The following C18orf63 variants were observed in gnomAD, a reference collection of about 807,000 sequenced individuals.
The protein encoded by C18orf63 is chromosome 18 open reading frame 63, also known as uncharacterized protein C18orf63.
C18orf63 carries 50 observed loss-of-function variants against 75.3 expected under a neutral mutation model. That is an observed-to-expected ratio of 0.66 (90% CI 0.53 to 0.84). C18orf63 has a LOEUF of 0.84. C18orf63 is among the 40% of genes least tolerant of loss of function. The probability of loss-of-function intolerance (pLI) is 0.00; values close to 1 mark genes in which losing one functional copy is unlikely to be tolerated. For missense variants in C18orf63, 732 were observed against 800.2 expected, an observed-to-expected ratio of 0.91 and a Z score of 1.03; for synonymous variants, 232 against 267.6, an observed-to-expected ratio of 0.87 and a Z score of 1.30.
In C18orf63 at chr18:74,326,293, A is replaced by G. The variant is rs148900544; in HGVS notation, c.271-1654A>G. Among the ~76,000 whole-genome samples, 980 of 152,290 alleles carry G rather than the reference A, an allele frequency of 6.4e-3. 27 individuals carry two copies. The highest frequency in any genetic ancestry group is 0.052 in the Admixed American group (793 of 15,304). On this transcript the variant is annotated intron_variant, in intron 4 of 13. Coordinates refer to ENST00000579455, the MANE Select transcript of C18orf63 (RefSeq NM_001174123.2). ...TAGAGATGGATAATATTGGGAGACAATTTTCCTCGGCTTTCTCATGCTTCT... is the reference window on the plus strand; with the variant it reads ...TAGAGATGGATAATATTGGGAGACAGTTTTCCTCGGCTTTCTCATGCTTCT...
In C18orf63 at chr18:74,353,518, T is replaced by C; in HGVS notation, c.1251T>C (p.Asn417=). 2 of 1,536,600 alleles carry C rather than the reference T, an allele frequency of 1.3e-6. No individual in the cohort carries two copies. The highest frequency in any genetic ancestry group is 1.2e-5 in the South Asian group (1 of 84,062). The change falls in exon 12 of 14, where the codon AAT becomes AAC. Residue 417 remains asparagine, a synonymous_variant. Coordinates refer to ENST00000579455, the MANE Select transcript of C18orf63 (RefSeq NM_001174123.2). ...AAGTATTAATGCCCAACAGAGGAAA[T>C]ACTCAAGTTCAGCACACAAATCTTA... ...HSEVLMPNRG[N]TQVQHTNLSS...
intron 11 of C18orf63, among the ~76,000 whole-genome samples, chr18:74,346,242 G>C (rs1984573209): frequency 6.6e-6 from 1 of 151,770 alleles, no homozygotes; most frequent in Admixed American, 6.6e-5. Flanking sequence ...TATGTTTCTG[G>C]CTTAAATACA....
chr18:74,355,508 G>C lies in C18orf63; in HGVS notation c.*33+962G>C, dbSNP rs73468670. Among the ~76,000 whole-genome samples the C allele has an allele frequency of 5.6e-3, 848 of 152,206 alleles. 6 individuals are homozygous for C. The highest frequency in any genetic ancestry group is 0.019 in the African/African-American group (810 of 41,548). ...TTAAAATTAAAAAGTCATCCAGGAG[G>C]GGGGGCTTACACCTGTAATTCCTAC... On this transcript the variant is annotated intron_variant, in intron 13 of 13. Transcript: ENST00000579455.
chr18:74,331,110 A>G (rs552895096), intron 7 of C18orf63, among the ~76,000 whole-genome samples, 168 bp downstream of exon 7: 1 of 152,286 alleles, frequency 6.6e-6, no homozygotes, highest in South Asian at 2.1e-4. Context: ...ATGTCATTCT[A>G]AATCTGCTTC....
intron 7 of C18orf63, among the ~76,000 whole-genome samples, chr18:74,336,471 C>T (rs774548488): frequency 6.6e-6 from 1 of 151,954 alleles, no homozygotes; most frequent in Admixed American, 6.6e-5. Context: ...AAATAATCTC[C>T]TCTCTTGATT....
chr18:74,357,384 A>C lies in C18orf63; in HGVS notation c.*937A>C, dbSNP rs964750864. 1.3e-5 allele frequency: 2 copies of C among 152,216 alleles called. No homozygotes were observed. The highest frequency in any genetic ancestry group is 2.9e-5 in the Non-Finnish European group (2 of 68,038). The allele number at this position is 152,216 out of a possible 1,614,324, so 9.4% of individuals were successfully genotyped here. ...TATGTCCAGAATGACCTTCTAGTCCATATTACAAATAAATTATCTAACATT... is the reference window on the plus strand; with the variant it reads ...TATGTCCAGAATGACCTTCTAGTCCCTATTACAAATAAATTATCTAACATT... On this transcript the variant is annotated 3_prime_UTR_variant, in exon 14 of 14. Coordinates refer to ENST00000579455, the MANE Select transcript of C18orf63 (RefSeq NM_001174123.2).
intron 5 of C18orf63, among the ~76,000 whole-genome samples, chr18:74,328,792 G>C (rs1984252177): frequency 6.6e-6 from 1 of 152,080 alleles, no homozygotes; most frequent in South Asian, 2.1e-4. Context: ...GGGAAGAATT[G>C]GGTATTTCCA....
chr18:74,331,464 C>G (rs912764088), intron 7 of C18orf63, among the ~76,000 whole-genome samples: 5 of 152,164 alleles, frequency 3.3e-5, no homozygotes, highest in African/African-American at 9.7e-5. Context: ...ATGTTATTGT[C>G]TTTCCTCTAG....
rs140792993 is a variant in C18orf63 at position 74,358,020 on chromosome 18, C to A, written c.*1573C>A. 4.4e-3 allele frequency: 669 copies of A among 152,286 alleles called. 2 individuals are homozygous for A. The South Asian group carries it at 0.047, about 11-fold the overall frequency. 9.4% of individuals were successfully genotyped at this position (152,286 alleles called of 1,614,324 possible). A position where few individuals can be genotyped will look rare whatever the true frequency, so the allele number is the denominator to read the frequency against. On this transcript the variant is annotated 3_prime_UTR_variant, in exon 14 of 14. Transcript: ENST00000579455. ...TAATCATTCCTAAAACCAGCCTTCC[C>A]CACTGTTCCATACATTCCCAGGCCA...
chr18:74,320,714 G>C, intron 3 of C18orf63, 123 bp downstream of exon 3: 1 of 560,290 alleles, frequency 1.8e-6, no homozygotes, highest in Non-Finnish European at 3.0e-6. Flanking sequence ...ATCACAATGT[G>C]TTACAGGTTA....
At position 74,316,068 on chromosome 18, in the gene C18orf63, TGCAGGAGGCCGTGGG is replaced by T. The variant is rs1984016404; in HGVS notation, c.-73_-59del. 1 of 152,284 alleles carries T rather than the reference TGCAGGAGGCCGTGGG, an allele frequency of 6.6e-6. No homozygotes were observed. Among genetic ancestry groups the T allele is most frequent in the Non-Finnish European group, 1.5e-5 (1 of 68,142 alleles). The allele number at this position is 152,284 out of a possible 1,614,324, so 9.4% of individuals were successfully genotyped here. Reference sequence around the variant, plus strand: ...GAGGAGACGCCTGACGCATCTGCAGTGCAGGAGGCCGTGGGCGTTAGAAGTGTTGCTTTTCCAGTT... The same window carrying T: ...GAGGAGACGCCTGACGCATCTGCAGTCGTTAGAAGTGTTGCTTTTCCAGTT... On this transcript the variant is annotated 5_prime_UTR_variant, in exon 1 of 14. Transcript: ENST00000579455.
intron 7 of C18orf63, among the ~76,000 whole-genome samples, chr18:74,336,697 G>T (rs1984397397): frequency 6.6e-6 from 1 of 152,028 alleles, no homozygotes. Context: ...TCAAATGAAT[G>T]TACTAATGGC....
intron 3 of C18orf63, among the ~76,000 whole-genome samples, chr18:74,321,019 A>G (rs1353885069): frequency 6.6e-6 from 1 of 152,226 alleles, no homozygotes; most frequent in African/African-American, 2.4e-5. Context: ...TTTTACACTT[A>G]AAATTTTAAA....
chr18:74,338,080 C>T (rs1364663419), intron 7 of C18orf63, among the ~76,000 whole-genome samples: 1 of 151,912 alleles, frequency 6.6e-6, no homozygotes, highest in Non-Finnish European at 1.5e-5. Context: ...ATTTTTTCAC[C>T]CTCCTTGAGG....
At chr18:74,331,257 C>T (rs1011025265) in intron 7 of C18orf63, among the ~76,000 whole-genome samples, 1 of 152,150 alleles carries the variant, frequency 6.6e-6, no homozygotes, top group Non-Finnish European at 1.5e-5. Context: ...TCTTCTTTCA[C>T]CTCCAAATAT....
chr18:74,331,727 C>G (rs117169991), intron 7 of C18orf63, among the ~76,000 whole-genome samples: 7 of 152,108 alleles, frequency 4.6e-5, no homozygotes, highest in Non-Finnish European at 8.8e-5. Flanking sequence ...TTGAGAAACC[C>G]CAGGCATAGA....
chr18:74,337,479 C>T (rs1307537736), intron 7 of C18orf63, among the ~76,000 whole-genome samples: 1 of 152,060 alleles, frequency 6.6e-6, no homozygotes, highest in Admixed American at 6.6e-5. Context: ...AAACTTTAAA[C>T]ATTTGAACCT....
chr18:74,352,583 G>T (rs1025321513), intron 11 of C18orf63, among the ~76,000 whole-genome samples: 1 of 152,114 alleles, frequency 6.6e-6, no homozygotes, highest in Non-Finnish European at 1.5e-5. Flanking sequence ...CACAGATAGC[G>T]CCTTCCCTGT....
chr18:74,338,494 G>C (rs1984427965), intron 7 of C18orf63, among the ~76,000 whole-genome samples: 1 of 152,104 alleles, frequency 6.6e-6, no homozygotes, highest in South Asian at 2.1e-4. Context: ...TGGATGGTAA[G>C]AGGGAAAGCA....
Sources: gnomAD v4.1 joint callset for allele counts (sites outside exome capture counted in the v4.1 genomes callset) on GRCh38, gnomAD v4.1.1 for gene constraint, MANE v1.5 for transcripts, NCBI Gene and HGNC (gene_info 2026-07-23, HGNC 2026-07-21) for gene names.